The following TNIK variants were observed in gnomAD, a reference collection of about 807,000 sequenced individuals.
TNIK encodes the protein TRAF2 and NCK interacting kinase.
TNIK carries 49 observed loss-of-function variants against 191.3 expected under a neutral mutation model. That is an observed-to-expected ratio of 0.26 (90% CI 0.20 to 0.32). The LOEUF is 0.32. TNIK is among the 10% of genes least tolerant of loss of function. The probability of loss-of-function intolerance (pLI) is 1.00; values close to 1 mark genes in which losing one functional copy is unlikely to be tolerated. For synonymous variants in TNIK, 594 were observed against 600.9 expected (o/e 0.99, Z 0.17); for missense variants, 1,155 against 1,702.3 (o/e 0.68, Z 5.66).
At chr3:171,307,100 C>T in intron 2 of TNIK, among the ~76,000 whole-genome samples, 1 of 152,100 alleles carries the variant, frequency 6.6e-6, no homozygotes. Context: ...AACACTCAGC[C>T]CTAATACCAA....
chr3:171,266,746 T>C (rs940107709), intron 2 of TNIK, among the ~76,000 whole-genome samples: 1 of 152,080 alleles, frequency 6.6e-6, no homozygotes, highest in Non-Finnish European at 1.5e-5. Context: ...AATTATAGAG[T>C]GCCTTGAAAA....
At chr3:171,094,085 C>T in intron 22 of TNIK, 117 bp from the exon 23 acceptor site, 5 of 1,308,234 alleles carry the variant, frequency 3.8e-6, no homozygotes, top group East Asian at 2.7e-5. Flanking sequence ...TAAAATTTAC[C>T]ATTGTACCAA....
chr3:171,064,103 G>A (rs555471690), intron 32 of TNIK, 139 bp from the exon 33 acceptor site: 1 of 730,570 alleles, frequency 1.4e-6, no homozygotes, highest in Non-Finnish European at 2.3e-6. Context: ...TGTTTATAAA[G>A]TCCCTTTGGA....
chr3:171,082,959 G>A (rs1305722560), intron 26 of TNIK, among the ~76,000 whole-genome samples: 1 of 152,162 alleles, frequency 6.6e-6, no homozygotes, highest in Non-Finnish European at 1.5e-5. Flanking sequence ...CAAGAGAAGT[G>A]TTAATAGCTG....
intron 2 of TNIK, among the ~76,000 whole-genome samples, chr3:171,271,031 A>C (rs575196781): frequency 1.3e-5 from 2 of 152,172 alleles, no homozygotes; most frequent in African/African-American, 4.8e-5. Flanking sequence ...GATATTTCTC[A>C]CTCACTCTGC....
chr3:171,276,055 T>TC (rs1749703635), intron 2 of TNIK, among the ~76,000 whole-genome samples: 1 of 152,006 alleles, frequency 6.6e-6, no homozygotes, highest in African/African-American at 2.4e-5. Context: ...AAGTTACTCT[T>TC]CCCCTCCACT....
intron 2 of TNIK, among the ~76,000 whole-genome samples, chr3:171,297,098 T>C (rs1275410616): frequency 6.6e-6 from 1 of 152,188 alleles, no homozygotes; most frequent in Non-Finnish European, 1.5e-5. Context: ...GACACAGCTA[T>C]AATTTGGTGT....
chr3:171,156,344 A>G (rs546626079), intron 12 of TNIK, among the ~76,000 whole-genome samples: 14 of 152,334 alleles, frequency 9.2e-5, no homozygotes, highest in Non-Finnish European at 2.1e-4. Flanking sequence ...ACCTTGATGT[A>G]CCATTTAAAA....
At chr3:171,170,645 T>A (rs1213195168) in intron 9 of TNIK, among the ~76,000 whole-genome samples, 1 of 152,198 alleles carries the variant, frequency 6.6e-6, no homozygotes, top group Non-Finnish European at 1.5e-5. Context: ...AAATGCCACA[T>A]ATGTGTTTGC....
intron 4 of TNIK, among the ~76,000 whole-genome samples, chr3:171,200,546 T>C (rs1577101994): frequency 6.6e-6 from 1 of 152,230 alleles, no homozygotes; most frequent in African/African-American, 2.4e-5. Context: ...AGGGGTTACT[T>C]AGTATGCCTT....
intron 24 of TNIK, among the ~76,000 whole-genome samples, chr3:171,086,210 A>G (rs1000430052): frequency 2.6e-5 from 4 of 152,226 alleles, no homozygotes; most frequent in Non-Finnish European, 2.9e-5. Flanking sequence ...CTCTAAACAT[A>G]TAAGGAGAAA....
chr3:171,411,475 AT>A (rs1184504608), intron 1 of TNIK, among the ~76,000 whole-genome samples: 1 of 152,004 alleles, frequency 6.6e-6, no homozygotes, highest in African/African-American at 2.4e-5. Context: ...TATTGCATGT[AT>A]TTTATAATGT....
chr3:171,291,809 C>T (rs1751710411), intron 2 of TNIK, among the ~76,000 whole-genome samples: 1 of 152,118 alleles, frequency 6.6e-6, no homozygotes. Flanking sequence ...GTCATTATCT[C>T]ATCAATATTT....
intron 2 of TNIK, among the ~76,000 whole-genome samples, chr3:171,341,243 C>T (rs934496238): frequency 5.3e-5 from 8 of 151,940 alleles, no homozygotes; most frequent in African/African-American, 1.9e-4. Context: ...GAGGCCGAGG[C>T]AGGTGGATCA....
At chr3:171,140,040 C>G (rs1219467725) in intron 13 of TNIK, among the ~76,000 whole-genome samples, 4 of 152,156 alleles carry the variant, frequency 2.6e-5, no homozygotes, top group Admixed American at 6.5e-5. Context: ...ATCAATGACT[C>G]AAAGTCATAA....
At position 171,085,106 on chromosome 3, in the gene TNIK, C is replaced by T. The variant is rs1187526501; in HGVS notation, c.2998+12G>A. On this transcript the variant is annotated intron_variant, in intron 25 of 32. Coordinates refer to ENST00000436636, the MANE Select transcript of TNIK (RefSeq NM_015028.4). Reference sequence around the variant, plus strand: ...GAAGCTGTTTTTTAAACACAGGGCCCTTCTTGCTTACCTGCGGCTGATGAT... The same window carrying T: ...GAAGCTGTTTTTTAAACACAGGGCCTTTCTTGCTTACCTGCGGCTGATGAT... 6.3e-7 allele frequency: 1 copy of T among 1,594,008 alleles called. No individual in the cohort carries two copies. The highest frequency in any genetic ancestry group is 1.1e-5 in the South Asian group (1 of 87,302).
chr3:171,405,855 C>T (rs567597898), intron 1 of TNIK, among the ~76,000 whole-genome samples: 1 of 152,250 alleles, frequency 6.6e-6, no homozygotes, highest in African/African-American at 2.4e-5. Context: ...AGTCTTACCT[C>T]AAAAACCATG....
At position 171,228,151 on chromosome 3, in the gene TNIK, AT is replaced by A. The variant is rs753637012; in HGVS notation, c.180+13del. On this transcript the variant is annotated intron_variant, in intron 3 of 32. Transcript: ENST00000436636. ...TCTGCATGGCTATTGAGATGGCAAA[AT>A]AAAGACACTTACCCCTGTGACATCC... 1.2e-6 allele frequency: 2 copies of A among 1,613,520 alleles called. No individual in the cohort carries two copies. The highest frequency in any genetic ancestry group is 1.7e-6 in the Non-Finnish European group (2 of 1,179,548).
intron 2 of TNIK, among the ~76,000 whole-genome samples, chr3:171,262,915 G>A (rs1227477267): frequency 6.6e-6 from 1 of 152,166 alleles, no homozygotes; most frequent in South Asian, 2.1e-4. Flanking sequence ...ATCCATTGGA[G>A]GTGTCTGGAA....
Sources: allele counts gnomAD v4.1 joint callset (sites outside exome capture counted in the v4.1 genomes callset), GRCh38; gene constraint gnomAD v4.1.1; transcripts MANE v1.5; gene names NCBI Gene and HGNC (gene_info 2026-07-23, HGNC 2026-07-21).